EDN1: variants seen among roughly 807,000 people sequenced by gnomAD.
EDN1 encodes endothelin 1.
In EDN1, 11 loss-of-function variants were observed where a neutral mutation model predicts 21.7. The observed-to-expected ratio is 0.51, with a 90% CI of 0.32 to 0.84. The LOEUF is 0.84. EDN1 is among the 40% of genes least tolerant of loss of function. The pLI is 0.03. For missense variants in EDN1, 244 were observed against 262.3 expected, an observed-to-expected ratio of 0.93 and a Z score of 0.48; for synonymous variants, 85 against 90.6, an observed-to-expected ratio of 0.94 and a Z score of 0.35.
chr6:12,270,075 A>C, the EDN1 span, among the ~76,000 whole-genome samples: 1 of 152,110 alleles, frequency 6.6e-6, no homozygotes, highest in Admixed American at 6.5e-5. Context: ...TTCTAGATTT[A>C]GCTTTTCATA....
At chr6:12,291,294 G>A (rs1339945185) in intron 1 of EDN1, among the ~76,000 whole-genome samples, 1 of 138,156 alleles carries the variant, frequency 7.2e-6, no homozygotes, top group Non-Finnish European at 1.5e-5. Context: ...TGTCATCATT[G>A]ACTTTAGGTT....
upstream of EDN1, among the ~76,000 whole-genome samples, chr6:12,287,748 ACACACAGGCGCGCGCGCGCGCGCG>A (rs1296628197): frequency 8.4e-6 from 1 of 119,428 alleles, no homozygotes; most frequent in Non-Finnish European, 1.7e-5. Context: ...ACACACACAC[ACACACAGGCGCGCGCGCGCGCGCG>A]CAGGCACACG....
the EDN1 span, among the ~76,000 whole-genome samples, chr6:12,233,743 G>A: frequency 6.6e-6 from 1 of 152,150 alleles, no homozygotes; most frequent in East Asian, 1.9e-4. Flanking sequence ...TGTACTCATA[G>A]CTGGAGGCAT....
intron 2 of EDN1, among the ~76,000 whole-genome samples, 191 bp downstream of exon 2, chr6:12,292,700 G>T (rs1433546536): frequency 2.6e-5 from 4 of 152,150 alleles, no homozygotes; most frequent in Non-Finnish European, 5.9e-5. Context: ...CAAGGGGAGG[G>T]TCTTCTGAGG....
chr6:12,268,079 T>C, the EDN1 span, among the ~76,000 whole-genome samples: 1 of 152,324 alleles, frequency 6.6e-6, no homozygotes, highest in East Asian at 1.9e-4. Flanking sequence ...CTACTACTCA[T>C]TGACAATGTA....
the EDN1 span, among the ~76,000 whole-genome samples, chr6:12,234,594 G>C: frequency 6.6e-6 from 1 of 152,178 alleles, no homozygotes. Context: ...AAAAGTCTCT[G>C]CTGTTAAACA....
the EDN1 span, among the ~76,000 whole-genome samples, chr6:12,263,907 T>A: frequency 6.6e-6 from 1 of 152,206 alleles, no homozygotes; most frequent in Non-Finnish European, 1.5e-5. Context: ...TTTCTAAAGA[T>A]CACGAAGGTC....
upstream of EDN1, among the ~76,000 whole-genome samples, chr6:12,287,888 C>T (rs965393470): frequency 2.0e-5 from 3 of 152,080 alleles, no homozygotes; most frequent in African/African-American, 7.2e-5. Context: ...TTACTTTCCC[C>T]GAGCTCGAGA....
the EDN1 span, among the ~76,000 whole-genome samples, chr6:12,262,081 A>T: frequency 6.6e-6 from 1 of 152,216 alleles, no homozygotes; most frequent in Non-Finnish European, 1.5e-5. Flanking sequence ...TATTGTTTCA[A>T]CTATCTCAGG....
the EDN1 span, among the ~76,000 whole-genome samples, chr6:12,264,565 AG>A: frequency 6.6e-6 from 1 of 152,192 alleles, no homozygotes; most frequent in Non-Finnish European, 1.5e-5. Flanking sequence ...AGGAAGAGGA[AG>A]AATTGTTTTG....
At chr6:12,240,442 A>AT in the EDN1 span, among the ~76,000 whole-genome samples, 16 of 152,026 alleles carry the variant, frequency 1.1e-4, no homozygotes, top group Non-Finnish European at 1.8e-4. Context: ...TCAGTTTTTA[A>AT]TTTTTCTGAG....
At chr6:12,251,266 T>C in the EDN1 span, among the ~76,000 whole-genome samples, 1 of 152,230 alleles carries the variant, frequency 6.6e-6, no homozygotes, top group African/African-American at 2.4e-5. Context: ...TAGACAACTC[T>C]TTAGCTGGAA....
At chr6:12,241,648 C>T in the EDN1 span, among the ~76,000 whole-genome samples, 2 of 152,132 alleles carry the variant, frequency 1.3e-5, no homozygotes, top group African/African-American at 4.8e-5. Flanking sequence ...TACATAATTG[C>T]TCACCTTTGC....
the EDN1 span, among the ~76,000 whole-genome samples, chr6:12,281,030 C>T: frequency 6.6e-6 from 1 of 152,242 alleles, no homozygotes; most frequent in African/African-American, 2.4e-5. Flanking sequence ...ATTTTCTCCA[C>T]TGCCTACTTC....
chr6:12,268,251 C>G, the EDN1 span, among the ~76,000 whole-genome samples: 1 of 152,158 alleles, frequency 6.6e-6, no homozygotes, highest in African/African-American at 2.4e-5. Context: ...CTTCCATAGA[C>G]AGCGATTCCT....
the EDN1 span, among the ~76,000 whole-genome samples, chr6:12,230,633 G>A: frequency 6.6e-5 from 10 of 152,242 alleles, no homozygotes; most frequent in Admixed American, 3.3e-4. Flanking sequence ...ACAGGATAAG[G>A]GCTGAAACGA....
At chr6:12,260,268 G>T in the EDN1 span, among the ~76,000 whole-genome samples, 1 of 152,084 alleles carries the variant, frequency 6.6e-6, no homozygotes, top group Non-Finnish European at 1.5e-5. Context: ...AAAAATTGGT[G>T]AAGACTTCAA....
the EDN1 span, among the ~76,000 whole-genome samples, chr6:12,257,281 T>G: frequency 6.6e-6 from 1 of 152,354 alleles, no homozygotes; most frequent in South Asian, 2.1e-4. Context: ...CTTCTTTGTA[T>G]GCATTTTACT....
chr6:12,241,708 C>T, the EDN1 span, among the ~76,000 whole-genome samples: 1 of 152,156 alleles, frequency 6.6e-6, no homozygotes, highest in Non-Finnish European at 1.5e-5. Flanking sequence ...TGGTTTTCTT[C>T]TCTTACTCAT....
Sources: gnomAD v4.1 joint callset for allele counts (sites outside exome capture counted in the v4.1 genomes callset) on GRCh38, gnomAD v4.1.1 for gene constraint, MANE v1.5 for transcripts, NCBI Gene and HGNC (gene_info 2026-07-23, HGNC 2026-07-21) for gene names.